ZNF354A: variants seen among roughly 807,000 people sequenced by gnomAD.
ZNF354A encodes the protein zinc finger protein 354A, also known as epididymis luminal protein 104.
ZNF354A carries 25 observed loss-of-function variants against 53.3 expected under a neutral mutation model. The ratio of observed to expected loss-of-function variants is 0.47; its 90% CI spans 0.34 to 0.66. The LOEUF is 0.66. Ranked by LOEUF, ZNF354A falls within the 30% of genes least tolerant of loss-of-function variation. ZNF354A has a pLI of 0.01. For synonymous variants in ZNF354A, 228 were observed against 249.0 expected, an observed-to-expected ratio of 0.92 and a Z score of 0.79; for missense variants, 586 against 716.8, an observed-to-expected ratio of 0.82 and a Z score of 2.08.
intron 3 of ZNF354A, chr5:178,726,316 CT>C (rs34544499): frequency 0.06 from 19,802 of 330,242 alleles, no homozygotes; most frequent in East Asian, 0.084. Flanking sequence ...TACTACGTGG[CT>C]TTTTTTTTTT....
rs775878828 is a variant in ZNF354A, at chr5:178,713,445, C to G, written c.433G>C (p.Val145Leu). The stretch of plus-strand genomic sequence containing the variant: ...GGGATTTTTTTGTGGGTGGCTGAAA[C>G]TATCTGAAAACTTCCCTTTTTATCC... ...KQDKKGSFQI[V>L]SATHKKIPTI... The change falls in exon 5 of 5, where the codon GTT (valine) becomes CTT (leucine). Residue 145 changes from valine to leucine, a missense_variant. Coordinates refer to ENST00000335815, the MANE Select transcript of ZNF354A (RefSeq NM_005649.3). 2.9e-5 allele frequency: 47 copies of G among 1,613,434 alleles called. No individual in the cohort carries two copies. In the South Asian group the frequency reaches 4.5e-4, roughly 15 times the overall value.
intron 3 of ZNF354A, 144 bp downstream of exon 3, chr5:178,726,855 A>T: frequency 7.9e-7 from 1 of 1,262,876 alleles, no homozygotes; most frequent in South Asian, 1.7e-5. Flanking sequence ...ATAGGTTTTT[A>T]ATGTTTATTT....
chr5:178,725,260 C>T (rs1765882734), intron 4 of ZNF354A, 116 bp downstream of exon 4: 1 of 982,930 alleles, frequency 1.0e-6, no homozygotes, highest in African/African-American at 1.6e-5. Context: ...TCCGCTTCCC[C>T]ATCACTTCTT....
chr5:178,726,444 C>T (rs1205196496), intron 3 of ZNF354A, among the ~76,000 whole-genome samples: 1 of 151,896 alleles, frequency 6.6e-6, no homozygotes, highest in Non-Finnish European at 1.5e-5. Context: ...ACTACAGGCG[C>T]CCGGCATCAC....
In ZNF354A at chr5:178,726,316, C is replaced by CTT. The variant is rs34544499; in HGVS notation, c.160+681_160+682dup. ...AAAGCCTAAAGTCTTTACTACGTGG[C>CTT]TTTTTTTTTTTTGAGACAGAGTCTC... On this transcript the variant is annotated intron_variant, in intron 3 of 4. Coordinates refer to ENST00000335815, the MANE Select transcript of ZNF354A (RefSeq NM_005649.3). The CTT allele has an allele frequency of 7.8e-3, 2,671 of 340,652 alleles. 2 individuals are homozygous for CTT. Among genetic ancestry groups the CTT allele is most frequent in the South Asian group, 0.022 (1,038 of 46,630 alleles). 21.1% of individuals were successfully genotyped at this position (340,652 alleles called of 1,614,324 possible).
chr5:178,723,927 G>C (rs540464652), intron 4 of ZNF354A, among the ~76,000 whole-genome samples: 1 of 151,952 alleles, frequency 6.6e-6, no homozygotes, highest in South Asian at 2.1e-4. Flanking sequence ...CCTGAAATTC[G>C]GGCCTCCACT....
intron 4 of ZNF354A, among the ~76,000 whole-genome samples, chr5:178,724,052 A>ACCTG (rs1561620378): frequency 6.6e-6 from 1 of 151,540 alleles, no homozygotes; most frequent in Non-Finnish European, 1.5e-5. Context: ...AGGGTTCCCC[A>ACCTG]CCTGACGACT....
intron 4 of ZNF354A, among the ~76,000 whole-genome samples, chr5:178,722,612 C>A (rs1225578168): frequency 6.6e-6 from 1 of 152,336 alleles, no homozygotes; most frequent in Non-Finnish European, 1.5e-5. Context: ...TGGTTCACTT[C>A]TTTCTGTCTC....
At chr5:178,720,943 C>T (rs1765801909) in intron 4 of ZNF354A, among the ~76,000 whole-genome samples, 1 of 152,194 alleles carries the variant, frequency 6.6e-6, no homozygotes, top group South Asian at 2.1e-4. Flanking sequence ...CAACCTGGAA[C>T]ACAATTAGGG....
At chr5:178,720,469 C>T (rs1316167425) in intron 4 of ZNF354A, among the ~76,000 whole-genome samples, 1 of 152,172 alleles carries the variant, frequency 6.6e-6, no homozygotes, top group Non-Finnish European at 1.5e-5. Context: ...GATGTGAAGA[C>T]ACCGGGCGAA....
At chr5:178,720,606 G>A (rs577998709) in intron 4 of ZNF354A, among the ~76,000 whole-genome samples, 4 of 152,270 alleles carry the variant, frequency 2.6e-5, no homozygotes, top group Admixed American at 1.3e-4. Flanking sequence ...CAGAGGGAGC[G>A]GGGCCCTGCG....
At chr5:178,716,930 T>C (rs1765724887) in intron 4 of ZNF354A, among the ~76,000 whole-genome samples, 2 of 151,396 alleles carry the variant, frequency 1.3e-5, no homozygotes, top group Non-Finnish European at 2.9e-5. Context: ...AATACAAAAA[T>C]CAGCCGGGTG....
Position 178,725,396 on chromosome 5 carries a change from C to A in ZNF354A, c.236G>T (p.Gly79Val), listed in dbSNP as rs139645713. Residue 79 changes from glycine (G) to valine (V), a missense_variant, in exon 4 of 5, where the codon GGT becomes GTT. Physicochemically the swap from Gly to Val is moderately radical, Grantham distance 109. Around this residue, in one of 2 missense-constraint regions of ZNF354A, gnomAD observed 573 missense variants for 680.1 expected, o/e 0.84. Transcript: ENST00000335815. ...GEDPWEVEKD[G>V]SGVSSLGSKS... ...CTTACCTAGAGAGGAGACGCCAGAA[C>A]CGTCTTTCTCCACCTCCCAGGGATC... 57 of 1,614,024 alleles carry A rather than the reference C, an allele frequency of 3.5e-5. No homozygotes were observed. The African/African-American group carries it at 7.2e-4, about 20-fold the overall frequency.
intron 2 of ZNF354A, 66 bp from the exon 3 acceptor site, chr5:178,727,191 G>C: frequency 6.7e-7 from 1 of 1,482,950 alleles, no homozygotes; most frequent in Non-Finnish European, 9.1e-7. Flanking sequence ...GCGGCAGTGG[G>C]AAAGACACGC....
At chr5:178,722,401 T>C (rs75250032) in intron 4 of ZNF354A, among the ~76,000 whole-genome samples, 1,785 of 152,272 alleles carry the variant, frequency 0.012, 15 homozygotes, top group Non-Finnish European at 0.018. Context: ...ATTTACATCA[T>C]CTCCAAATCT....
At position 178,712,569 on chromosome 5, in the gene ZNF354A, A is replaced by G. The variant is rs997291383; in HGVS notation, c.1309T>C (p.Phe437Leu). 9 of 1,614,102 alleles carry G rather than the reference A, an allele frequency of 5.6e-6. No homozygotes were observed. The South Asian group carries it at 9.9e-5, about 18-fold the overall frequency. The stretch of plus-strand genomic sequence containing the variant: ...TTACCACATTCATTACAATTATAAA[A>G]CTTCTCTCCAGTATGAATGATTCGG... ...RHRIIHTGEK[F>L]YNCNECGKAL... Residue 437 changes from phenylalanine to leucine, a missense_variant, in exon 5 of 5, where the codon TTT (phenylalanine) becomes CTT (leucine). Physicochemically the swap from Phe to Leu is conservative, Grantham distance 22. Around this residue, in one of 2 missense-constraint regions of ZNF354A, gnomAD observed 573 missense variants for 680.1 expected, o/e 0.84. Coordinates refer to ENST00000335815, the MANE Select transcript of ZNF354A (RefSeq NM_005649.3).
At chr5:178,726,124 G>C in intron 3 of ZNF354A, 1 of 452,476 alleles carries the variant, frequency 2.2e-6, no homozygotes. Flanking sequence ...TTACAGGTGT[G>C]AGCCACCGCG....
intron 4 of ZNF354A, among the ~76,000 whole-genome samples, chr5:178,722,961 C>G (rs550153982): frequency 6.6e-6 from 1 of 152,252 alleles, no homozygotes; most frequent in South Asian, 2.1e-4. Context: ...AGAACAGTCC[C>G]AGACAGAAAA....
intron 4 of ZNF354A, among the ~76,000 whole-genome samples, chr5:178,723,058 T>A (rs1765840783): frequency 6.6e-6 from 1 of 152,138 alleles, no homozygotes; most frequent in African/African-American, 2.4e-5. Flanking sequence ...AGGCCTCGAA[T>A]GAAGGGCAGA....
Sources: gnomAD v4.1 joint callset for allele counts (sites outside exome capture counted in the v4.1 genomes callset) on GRCh38, gnomAD v4.1.1 for gene constraint, gnomAD v4.1.1 regional missense constraint, MANE v1.5 for transcripts, NCBI Gene and HGNC (gene_info 2026-07-23, HGNC 2026-07-21) for gene names.